The following CHLSN variants were observed in gnomAD, a reference collection of about 807,000 sequenced individuals.
CHLSN encodes the protein protein cholesin.
At chr7:1,136,439 T>TAAAC in the CHLSN span, among the ~76,000 whole-genome samples, 2 of 122,014 alleles carry the variant, frequency 1.6e-5, no homozygotes, top group Non-Finnish European at 3.1e-5. Context: ...TAAACATATA[T>TAAAC]ATAAATATAT....
chr7:1,099,213 C>G, the CHLSN span, among the ~76,000 whole-genome samples: 1 of 148,344 alleles, frequency 6.7e-6, no homozygotes, highest in South Asian at 2.2e-4. Flanking sequence ...GTTCCTGCAG[C>G]CGGCCTCCCC....
chr7:1,091,813 C>T, the CHLSN span: 54 of 1,596,946 alleles, frequency 3.4e-5, no homozygotes, highest in South Asian at 5.7e-4. Flanking sequence ...CACCACCTCC[C>T]CCGAGCTCAA....
the CHLSN span, among the ~76,000 whole-genome samples, chr7:1,062,363 G>T: frequency 6.6e-6 from 1 of 152,112 alleles, no homozygotes; most frequent in East Asian, 1.9e-4. Context: ...TCATAAAATT[G>T]GTTATTTCCC....
At chr7:1,092,757 A>C in the CHLSN span, 1 of 1,613,598 alleles carries the variant, frequency 6.2e-7, no homozygotes, top group Non-Finnish European at 8.5e-7. Flanking sequence ...AGCAGAAAAC[A>C]AATTTGCCGG....
the CHLSN span, among the ~76,000 whole-genome samples, chr7:1,065,784 C>T: frequency 6.6e-6 from 1 of 152,336 alleles, no homozygotes; most frequent in Non-Finnish European, 1.5e-5. Flanking sequence ...GTACAGATCA[C>T]GGCTCAGCAT....
the CHLSN span, among the ~76,000 whole-genome samples, chr7:998,351 G>C: frequency 1.3e-5 from 2 of 151,862 alleles, no homozygotes; most frequent in Admixed American, 6.6e-5. Context: ...TTTTATTATT[G>C]AGTTAGCAGA....
chr7:1,087,868 A>G, the CHLSN span, among the ~76,000 whole-genome samples: 2 of 152,252 alleles, frequency 1.3e-5, no homozygotes, highest in Admixed American at 6.5e-5. Context: ...AACACCTAGT[A>G]TGATGCCTTC....
the CHLSN span, among the ~76,000 whole-genome samples, chr7:1,053,757 G>T: frequency 6.6e-6 from 1 of 152,202 alleles, no homozygotes; most frequent in South Asian, 2.1e-4. Context: ...AACCCGGGAG[G>T]CGGAGGTTGC....
chr7:1,095,514 A>G, the CHLSN span, among the ~76,000 whole-genome samples: 1 of 152,130 alleles, frequency 6.6e-6, no homozygotes, highest in African/African-American at 2.4e-5. Context: ...TTCCCCACAC[A>G]CAGTCCCGTT....
the CHLSN span, among the ~76,000 whole-genome samples, chr7:981,277 C>G: frequency 7.2e-6 from 1 of 139,216 alleles, no homozygotes; most frequent in South Asian, 2.3e-4. Flanking sequence ...GCCTGGATGA[C>G]GAGAGTGAGA....
chr7:1,127,218 T>C, the CHLSN span: 1 of 1,558,132 alleles, frequency 6.4e-7, no homozygotes, highest in South Asian at 1.2e-5. Flanking sequence ...AACAGGTGGA[T>C]CCCAGAGGGC....
chr7:1,070,368 C>T, the CHLSN span, among the ~76,000 whole-genome samples: 3 of 129,410 alleles, frequency 2.3e-5, no homozygotes, highest in Non-Finnish European at 3.6e-5. Flanking sequence ...GGGGTCAGCC[C>T]CCCGCCCGGC....
chr7:1,072,036 G>A, the CHLSN span, among the ~76,000 whole-genome samples: 2 of 152,182 alleles, frequency 1.3e-5, no homozygotes, highest in Non-Finnish European at 2.9e-5. Flanking sequence ...GGGAAGAGCG[G>A]GGAGGGGCCC....
At chr7:1,016,492 AGC>A in the CHLSN span, among the ~76,000 whole-genome samples, 2 of 135,034 alleles carry the variant, frequency 1.5e-5, no homozygotes, top group Admixed American at 7.4e-5. Flanking sequence ...AGCACACAGC[AGC>A]GCACAGCAGC....
the CHLSN span, chr7:985,108 G>C: frequency 6.2e-7 from 1 of 1,610,996 alleles, no homozygotes; most frequent in Non-Finnish European, 8.5e-7. Context: ...AGGTGAGCAG[G>C]GGGCCGGGGA....
chr7:1,106,005 G>GAAGA, the CHLSN span, among the ~76,000 whole-genome samples: 5,150 of 152,236 alleles, frequency 0.034, 285 homozygotes, highest in African/African-American at 0.12. Flanking sequence ...AGAGGTGAAG[G>GAAGA]GGCAGAGGGA....
At chr7:1,057,063 G>T in the CHLSN span, among the ~76,000 whole-genome samples, 3 of 152,102 alleles carry the variant, frequency 2.0e-5, no homozygotes, top group African/African-American at 7.2e-5. Flanking sequence ...AGGGAGGGAG[G>T]GAGGCTCAGG....
At chr7:1,087,021 C>T in the CHLSN span, 1 of 152,276 alleles carries the variant, frequency 6.6e-6, no homozygotes, top group African/African-American at 2.4e-5. Context: ...GGGCCTCGCT[C>T]TGCCCTCATG....
chr7:981,307 A>G, the CHLSN span, among the ~76,000 whole-genome samples: 15 of 151,552 alleles, frequency 9.9e-5, no homozygotes, highest in African/African-American at 3.2e-4. Context: ...AAAAAAAAAA[A>G]AAAAGAAAAG....
Sources: gnomAD v4.1 joint callset for allele counts (sites outside exome capture counted in the v4.1 genomes callset) on GRCh38, gnomAD v4.1.1 for gene constraint, MANE v1.5 for transcripts, NCBI Gene and HGNC (gene_info 2026-07-23, HGNC 2026-07-21) for gene names.